KCNH8: variants seen among roughly 807,000 people sequenced by gnomAD.
KCNH8 encodes voltage-gated delayed rectifier potassium channel KCNH8.
A neutral mutation model predicts 103.6 loss-of-function variants in KCNH8; 70 were observed. The ratio of observed to expected loss-of-function variants is 0.68; its 90% CI spans 0.56 to 0.82. KCNH8 has a LOEUF of 0.82. KCNH8 is among the 40% of genes least tolerant of loss of function. The pLI is 0.00. For synonymous variants in KCNH8, 498 were observed against 489.4 expected (o/e 1.02, Z -0.23); for missense variants, 1,217 against 1,329.9 (o/e 0.92, Z 1.32).
At chr3:19,241,655 T>A (rs1335569674) in intron 1 of KCNH8, among the ~76,000 whole-genome samples, 1 of 152,054 alleles carries the variant, frequency 6.6e-6, no homozygotes, top group Non-Finnish European at 1.5e-5. Flanking sequence ...ATTGACAACA[T>A]TGCCTTGGAA....
rs1553595461 is a variant in KCNH8 at position 19,419,199 on chromosome 3, T to TTTG, written c.1178-18963_1178-18962insGTT. On this transcript the variant is annotated intron_variant, in intron 7 of 15. Coordinates refer to ENST00000328405, the MANE Select transcript of KCNH8 (RefSeq NM_144633.3). ...GAAGTAATTAAAATGGTTTTGGTTTTTTTTTTTTTTTTTTTTTTGAGACGG... is the reference window on the plus strand; with the variant it reads ...GAAGTAATTAAAATGGTTTTGGTTTTTTGTTTTTTTTTTTTTTTTTTGAGACGG... Among the ~76,000 whole-genome samples, 619 of 133,700 alleles carry TTTG rather than the reference T, an allele frequency of 4.6e-3. 43 individuals carry two copies. Among genetic ancestry groups the TTTG allele is most frequent in the African/African-American group, 0.017 (573 of 33,358 alleles). The allele number at this position is 133,700 out of a possible 152,430, so 87.7% of individuals were successfully genotyped here.
chr3:19,523,559 C>A (rs914662484), intron 15 of KCNH8, among the ~76,000 whole-genome samples: 1 of 151,918 alleles, frequency 6.6e-6, no homozygotes. Flanking sequence ...GAAGGGGCTG[C>A]ACCATCTGGA....
In KCNH8 at chr3:19,534,900, T is replaced by A. The variant is rs2069240676; in HGVS notation, c.*801T>A. 6.6e-6 allele frequency: 1 copy of A among 152,196 alleles called. No homozygotes were observed. The allele number at this position is 152,196 out of a possible 1,614,324, so 9.4% of individuals were successfully genotyped here. A position where few individuals can be genotyped will look rare whatever the true frequency, so the allele number is the denominator to read the frequency against. ...TTCTGCATGCAGTTTGCAACAAATGTATTCTCATGCTTCTGGATTATAAAA... is the reference window on the plus strand; with the variant it reads ...TTCTGCATGCAGTTTGCAACAAATGAATTCTCATGCTTCTGGATTATAAAA... On this transcript the variant is annotated 3_prime_UTR_variant, in exon 16 of 16. Transcript: ENST00000328405.
intron 1 of KCNH8, among the ~76,000 whole-genome samples, chr3:19,207,241 T>C (rs1288607812): frequency 6.6e-6 from 1 of 151,958 alleles, no homozygotes; most frequent in Non-Finnish European, 1.5e-5. Flanking sequence ...GAAGGAAGTG[T>C]CTTAGTAACA....
chr3:19,247,011 G>C (rs746966601), intron 1 of KCNH8, among the ~76,000 whole-genome samples: 19 of 152,254 alleles, frequency 1.2e-4, no homozygotes, highest in African/African-American at 4.6e-4. Flanking sequence ...TAGAGTTCCA[G>C]CTTTGAGCTT....
chr3:19,364,539 T>C (rs2065986329), intron 5 of KCNH8, among the ~76,000 whole-genome samples: 1 of 152,148 alleles, frequency 6.6e-6, no homozygotes, highest in Non-Finnish European at 1.5e-5. Context: ...CCAGCTATTT[T>C]TTGGTGAATA....
At position 19,464,448 on chromosome 3, in the gene KCNH8, T is replaced by C. The variant is rs888896004; in HGVS notation, c.2040+7466T>C. Among the ~76,000 whole-genome samples the C allele has an allele frequency of 3.9e-5, 6 of 152,102 alleles. No individual in the cohort carries two copies. In the East Asian group the frequency reaches 1.2e-3, roughly 29 times the overall value. ...ACAATAAAGTTTCTAGAAGAAAACA[T>C]TGCAGAATATCATTATGACCTTGGA... On this transcript the variant is annotated intron_variant, in intron 11 of 15. Coordinates refer to ENST00000328405, the MANE Select transcript of KCNH8 (RefSeq NM_144633.3).
chr3:19,275,260 A>G (rs908710601), intron 2 of KCNH8, among the ~76,000 whole-genome samples: 1 of 152,004 alleles, frequency 6.6e-6, no homozygotes, highest in Non-Finnish European at 1.5e-5. Flanking sequence ...TATTCTACCC[A>G]TCTGTTTTTA....
At chr3:19,440,335 ATTAG>A (rs1457741796) in intron 8 of KCNH8, among the ~76,000 whole-genome samples, 1 of 152,224 alleles carries the variant, frequency 6.6e-6, no homozygotes, top group African/African-American at 2.4e-5. Context: ...CAAATATTGT[ATTAG>A]TTAATTCTCA....
At chr3:19,341,507 A>G (rs1479115321) in intron 3 of KCNH8, among the ~76,000 whole-genome samples, 1 of 152,164 alleles carries the variant, frequency 6.6e-6, no homozygotes, top group East Asian at 1.9e-4. Flanking sequence ...TAAAATTTGT[A>G]AACTGCATAA....
intron 5 of KCNH8, among the ~76,000 whole-genome samples, chr3:19,384,664 T>A (rs1289364496): frequency 6.6e-6 from 1 of 152,140 alleles, no homozygotes; most frequent in East Asian, 1.9e-4. Flanking sequence ...TTTTATAACA[T>A]CAAGTGTTAG....
intron 14 of KCNH8, 70 bp downstream of exon 14, chr3:19,515,498 A>ATT: frequency 2.2e-6 from 1 of 449,646 alleles, no homozygotes; most frequent in Non-Finnish European, 3.7e-6. Context: ...TGTTATGGGC[A>ATT]TTTTTTTTTT....
chr3:19,169,809 A>AT (rs1190870442), intron 1 of KCNH8, among the ~76,000 whole-genome samples: 1 of 152,176 alleles, frequency 6.6e-6, no homozygotes, highest in African/African-American at 2.4e-5. Context: ...GCTAAAGTGA[A>AT]TTTTTTGGAA....
intron 5 of KCNH8, among the ~76,000 whole-genome samples, chr3:19,380,295 A>T (rs2066271416): frequency 2.0e-5 from 3 of 152,184 alleles, no homozygotes; most frequent in African/African-American, 7.2e-5. Flanking sequence ...GCAACTTCAC[A>T]TTTTTGGAGA....
At chr3:19,156,630 A>T (rs919997070) in intron 1 of KCNH8, among the ~76,000 whole-genome samples, 4 of 152,226 alleles carry the variant, frequency 2.6e-5, no homozygotes, top group South Asian at 4.1e-4. Flanking sequence ...CATTTTTTTT[A>T]AAAAGGAAAT....
At chr3:19,350,064 T>G (rs1387925781) in intron 5 of KCNH8, among the ~76,000 whole-genome samples, 1 of 152,134 alleles carries the variant, frequency 6.6e-6, no homozygotes, top group East Asian at 1.9e-4. Context: ...TCCTATTCTT[T>G]CCTGCTGTTA....
At chr3:19,359,069 G>T (rs2065915879) in intron 5 of KCNH8, among the ~76,000 whole-genome samples, 1 of 151,666 alleles carries the variant, frequency 6.6e-6, no homozygotes, top group African/African-American at 2.4e-5. Context: ...ACACTTAATG[G>T]GTAGTAACTC....
At chr3:19,168,701 A>G (rs780477401) in intron 1 of KCNH8, among the ~76,000 whole-genome samples, 4 of 152,194 alleles carry the variant, frequency 2.6e-5, no homozygotes, top group Non-Finnish European at 5.9e-5. Flanking sequence ...ATGTCTTCCC[A>G]TTCGTGTAAC....
At chr3:19,443,579 CAGAG>C (rs1289399672) in intron 8 of KCNH8, among the ~76,000 whole-genome samples, 1 of 151,216 alleles carries the variant, frequency 6.6e-6, no homozygotes, top group African/African-American at 2.4e-5. Flanking sequence ...AACTATAAAT[CAGAG>C]AGATTTAAAG....
Sources: gnomAD v4.1 joint callset for allele counts (sites outside exome capture counted in the v4.1 genomes callset) on GRCh38, gnomAD v4.1.1 for gene constraint, MANE v1.5 for transcripts, NCBI Gene and HGNC (gene_info 2026-07-23, HGNC 2026-07-21) for gene names.